Variants in PTPRM observed in about 807,000 individuals in gnomAD.
PTPRM encodes receptor-type tyrosine-protein phosphatase mu.
PTPRM carries 47 observed loss-of-function variants against 186.7 expected under a neutral mutation model. The ratio of observed to expected loss-of-function variants is 0.25; its 90% CI spans 0.20 to 0.32. The LOEUF is 0.32. Ranked by LOEUF, PTPRM falls within the 10% of genes least tolerant of loss-of-function variation. The pLI, the probability that PTPRM is intolerant of heterozygous loss-of-function variation, is 1.00. For synonymous variants in PTPRM, 668 were observed against 674.9 expected (o/e 0.99, Z 0.16); for missense variants, 1,494 against 1,865.0 (o/e 0.80, Z 3.66).
chr18:8,143,347 T>A (rs1053483881), intron 13 of PTPRM, among the ~76,000 whole-genome samples: 1 of 152,136 alleles, frequency 6.6e-6, no homozygotes, highest in Admixed American at 6.5e-5. Context: ...CAGGAGCCAA[T>A]AGAGATAATA....
chr18:8,326,181 T>C (rs2095375145), intron 22 of PTPRM, among the ~76,000 whole-genome samples: 1 of 152,200 alleles, frequency 6.6e-6, no homozygotes, highest in Non-Finnish European at 1.5e-5. Context: ...TTTAATTAGG[T>C]CTGATTTGTC....
At chr18:8,187,273 A>C (rs567409691) in intron 14 of PTPRM, among the ~76,000 whole-genome samples, 2 of 152,198 alleles carry the variant, frequency 1.3e-5, no homozygotes, top group African/African-American at 4.8e-5. Flanking sequence ...AGCGAAAAGG[A>C]GTTAATGAGA....
At chr18:8,245,389 AG>A (rs887293940) in intron 15 of PTPRM, among the ~76,000 whole-genome samples, 30 of 152,164 alleles carry the variant, frequency 2.0e-4, no homozygotes, top group Non-Finnish European at 4.1e-4. Flanking sequence ...ACCAATGGGC[AG>A]GGCAGCACTG....
chr18:7,596,520 G>A (rs1339893762), intron 1 of PTPRM, among the ~76,000 whole-genome samples: 1 of 152,260 alleles, frequency 6.6e-6, no homozygotes, highest in African/African-American at 2.4e-5. Context: ...TTTTATTACA[G>A]TATATTGTTG....
intron 2 of PTPRM, among the ~76,000 whole-genome samples, chr18:7,842,930 G>GTGTGTGTGTGTGTGTGTATA (rs377182615): frequency 6.9e-5 from 7 of 100,934 alleles, no homozygotes; most frequent in Admixed American, 3.4e-4. Flanking sequence ...GTGTGTGTGT[G>GTGTGTGTGTGTGTGTGTATA]TATATATATA....
intron 5 of PTPRM, 91 bp downstream of exon 5, chr18:7,926,774 C>T (rs900319893): frequency 2.4e-6 from 2 of 834,356 alleles, no homozygotes; most frequent in Admixed American, 2.9e-5. Context: ...AGACTCAGGT[C>T]CTAGTGTAAG....
chr18:8,079,923 G>C (rs1050317914), intron 9 of PTPRM, among the ~76,000 whole-genome samples: 1 of 151,942 alleles, frequency 6.6e-6, no homozygotes, highest in Admixed American at 6.6e-5. Context: ...GACCTGCTAC[G>C]TAGTAATAAG....
At position 7,890,575 on chromosome 18, in the gene PTPRM, G is replaced by C. The variant is rs753827296; in HGVS notation, c.468+2198G>C. On this transcript the variant is annotated intron_variant, in intron 3 of 32. Coordinates refer to ENST00000580170, the MANE Select transcript of PTPRM (RefSeq NM_001105244.2). ...AGCTCTGTGAGTACACGTGTAAATT[G>C]TTAAGATCTTTTTAGAGTATGTACT... Among the ~76,000 whole-genome samples, 16 of 152,158 alleles carry C rather than the reference G, an allele frequency of 1.1e-4. No homozygotes were observed. In the South Asian group the frequency reaches 1.2e-3, roughly 12 times the overall value.
chr18:8,118,067 A>G (rs376114355), intron 13 of PTPRM, among the ~76,000 whole-genome samples: 2 of 152,300 alleles, frequency 1.3e-5, no homozygotes, highest in African/African-American at 2.4e-5. Flanking sequence ...TTGATGATCA[A>G]TTCTAAACTT....
intron 1 of PTPRM, among the ~76,000 whole-genome samples, chr18:7,656,521 T>G (rs974897468): frequency 5.9e-5 from 9 of 152,294 alleles, no homozygotes; most frequent in African/African-American, 2.2e-4. Context: ...TGCTTAACAC[T>G]GTAAATGCAC....
chr18:7,645,753 C>A (rs2038546467), intron 1 of PTPRM, among the ~76,000 whole-genome samples: 1 of 152,168 alleles, frequency 6.6e-6, no homozygotes, highest in South Asian at 2.1e-4. Context: ...AGAAGTCCAT[C>A]CAGGGAGTGA....
At chr18:8,200,582 G>A (rs1035849755) in intron 14 of PTPRM, among the ~76,000 whole-genome samples, 2 of 152,236 alleles carry the variant, frequency 1.3e-5, no homozygotes, top group East Asian at 3.8e-4. Flanking sequence ...AGCCCATCTG[G>A]CCTGTGCCGT....
chr18:8,120,552 G>A (rs534512502), intron 13 of PTPRM, among the ~76,000 whole-genome samples: 2 of 150,034 alleles, frequency 1.3e-5, no homozygotes, highest in East Asian at 3.9e-4. Context: ...GAGTGTAGTG[G>A]CGCGATCTCT....
chr18:8,000,505 G>T (rs2083807887), intron 7 of PTPRM, among the ~76,000 whole-genome samples: 1 of 152,144 alleles, frequency 6.6e-6, no homozygotes, highest in Non-Finnish European at 1.5e-5. Context: ...TCACTTGGGG[G>T]CCCAGCTTCA....
In PTPRM at chr18:8,376,213, C is replaced by T; in HGVS notation, c.3326+13C>T. ...TGGTGCACTGCAGGTAAGCAGAGCT[C>T]CAGAGCCTCTTGAAGGAAACGCAGT... On this transcript the variant is annotated intron_variant, in intron 25 of 32. Coordinates refer to ENST00000580170, the MANE Select transcript of PTPRM (RefSeq NM_001105244.2). 1.9e-6 allele frequency: 3 copies of T among 1,606,434 alleles called. No individual in the cohort carries two copies. The highest frequency in any genetic ancestry group is 2.6e-6 in the Non-Finnish European group (3 of 1,175,718).
chr18:8,333,292 C>A (rs1321594236), intron 22 of PTPRM, among the ~76,000 whole-genome samples: 1 of 152,164 alleles, frequency 6.6e-6, no homozygotes, highest in East Asian at 1.9e-4. Flanking sequence ...AGAACAAATG[C>A]AACTATCAAA....
At chr18:8,389,849 G>C (rs531811170) in intron 31 of PTPRM, among the ~76,000 whole-genome samples, 152 of 152,346 alleles carry the variant, frequency 1.0e-3, no homozygotes, top group African/African-American at 3.6e-3. Context: ...TGTGGGTGGA[G>C]AGTTCCCGGC....
At chr18:8,081,270 A>G (rs1241755025) in intron 9 of PTPRM, among the ~76,000 whole-genome samples, 1 of 152,240 alleles carries the variant, frequency 6.6e-6, no homozygotes, top group Non-Finnish European at 1.5e-5. Flanking sequence ...ATCATCCAAT[A>G]GAAGCAACAG....
intron 1 of PTPRM, among the ~76,000 whole-genome samples, chr18:7,574,076 A>G (rs1448708852): frequency 6.6e-6 from 1 of 152,180 alleles, no homozygotes; most frequent in East Asian, 1.9e-4. Context: ...CCTTGTTCTA[A>G]AAGAACTGAG....
Sources: gnomAD v4.1 joint callset for allele counts (sites outside exome capture counted in the v4.1 genomes callset) on GRCh38, gnomAD v4.1.1 for gene constraint, MANE v1.5 for transcripts, NCBI Gene and HGNC (gene_info 2026-07-23, HGNC 2026-07-21) for gene names.